The following FNDC3A variants were observed in gnomAD, a reference collection of about 807,000 sequenced individuals.
The protein encoded by FNDC3A is fibronectin type-III domain-containing protein 3A.
FNDC3A carries 32 observed loss-of-function variants against 148.9 expected under a neutral mutation model. The ratio of observed to expected loss-of-function variants is 0.21; its 90% CI spans 0.16 to 0.29. The LOEUF is 0.29. Ranked by LOEUF, FNDC3A falls within the 10% of genes least tolerant of loss-of-function variation. The pLI is 1.00. For synonymous variants in FNDC3A, 472 were observed against 473.6 expected (o/e 1.00, Z 0.04); for missense variants, 1,191 against 1,452.8 (o/e 0.82, Z 2.93).
chr13:49,167,114 T>C, intron 8 of FNDC3A, 130 bp from the exon 9 acceptor site: 1 of 519,610 alleles, frequency 1.9e-6, no homozygotes, highest in African/African-American at 2.0e-5. Context: ...ATTAGTGGAA[T>C]CTGAATACAG....
chr13:49,142,246 A>T (rs796954400), intron 7 of FNDC3A, among the ~76,000 whole-genome samples: 12 of 152,318 alleles, frequency 7.9e-5, no homozygotes, highest in African/African-American at 2.9e-4. Flanking sequence ...CCAAATTCTT[A>T]ATCTGCTTGT....
chr13:49,141,037 G>A (rs1235259759), intron 7 of FNDC3A, among the ~76,000 whole-genome samples: 1 of 152,150 alleles, frequency 6.6e-6, no homozygotes, highest in Non-Finnish European at 1.5e-5. Context: ...AAAAAGGAAA[G>A]CAGAGAAAAG....
At chr13:49,052,793 G>C (rs1397866916) in intron 2 of FNDC3A, among the ~76,000 whole-genome samples, 1 of 152,250 alleles carries the variant, frequency 6.6e-6, no homozygotes, top group Non-Finnish European at 1.5e-5. Context: ...GAGAGATTAC[G>C]ACCATTGTCT....
intron 2 of FNDC3A, among the ~76,000 whole-genome samples, chr13:49,042,982 G>T (rs1044171105): frequency 2.0e-5 from 3 of 151,982 alleles, no homozygotes; most frequent in Admixed American, 1.3e-4. Flanking sequence ...GAGAGCCAGG[G>T]TCTCATTCTG....
chr13:49,078,978 T>C (rs1490520382), intron 3 of FNDC3A, among the ~76,000 whole-genome samples: 7 of 152,224 alleles, frequency 4.6e-5, no homozygotes, highest in Non-Finnish European at 1.0e-4. Context: ...ATAAGAGCTG[T>C]GTAAATTAAT....
chr13:49,138,218 T>G (rs1403156563), intron 6 of FNDC3A, among the ~76,000 whole-genome samples: 2 of 152,162 alleles, frequency 1.3e-5, no homozygotes, highest in African/African-American at 2.4e-5. Flanking sequence ...TACATAAATG[T>G]TCTCCCATTT....
intron 19 of FNDC3A, among the ~76,000 whole-genome samples, chr13:49,194,866 T>C (rs1233175983): frequency 6.6e-6 from 1 of 152,136 alleles, no homozygotes; most frequent in African/African-American, 2.4e-5. Context: ...AAAGATTTTT[T>C]AAACTTATTA....
chr13:49,200,734 TA>T (rs1886383569), intron 23 of FNDC3A, among the ~76,000 whole-genome samples: 1 of 152,016 alleles, frequency 6.6e-6, no homozygotes, highest in Non-Finnish European at 1.5e-5. Flanking sequence ...TTGTGGAAAA[TA>T]AAGAAATTAA....
chr13:49,122,653 C>G (rs532416451), intron 4 of FNDC3A, among the ~76,000 whole-genome samples: 1 of 152,330 alleles, frequency 6.6e-6, no homozygotes, highest in Non-Finnish European at 1.5e-5. Context: ...AGCAAAGTCT[C>G]AGGATACAAA....
chr13:49,074,117 C>G (rs1877932287), intron 2 of FNDC3A, among the ~76,000 whole-genome samples: 1 of 152,028 alleles, frequency 6.6e-6, no homozygotes. Context: ...TTTTGGGGAA[C>G]AGGTGGTGTT....
chr13:49,152,764 C>T (rs917038310), intron 8 of FNDC3A, among the ~76,000 whole-genome samples: 51 of 149,770 alleles, frequency 3.4e-4, no homozygotes, highest in African/African-American at 9.8e-4. Flanking sequence ...TGAGAATATG[C>T]GGTGTTTGGT....
chr13:49,199,725 G>C (rs958342128), intron 23 of FNDC3A, among the ~76,000 whole-genome samples: 1 of 152,154 alleles, frequency 6.6e-6, no homozygotes, highest in African/African-American at 2.4e-5. Context: ...CCTGACACAG[G>C]GCCTGCACGC....
In FNDC3A at chr13:49,023,640, A is replaced by G. The variant is rs531567868; in HGVS notation, c.99+17351A>G. 2.6e-5 allele frequency among the ~76,000 whole-genome samples: 4 copies of G among 152,076 alleles called. No homozygotes were observed. In the South Asian group the frequency reaches 8.3e-4, roughly 31 times the overall value. On this transcript the variant is annotated intron_variant, in intron 2 of 25. Transcript: ENST00000492622. The stretch of plus-strand genomic sequence containing the variant: ...AAACTCTGATTCAGAGTGACTCAAA[A>G]GTTAGTCAACTCCTGTGCCCCAGAA...
At chr13:49,138,974 GT>G (rs1359156756) in intron 7 of FNDC3A, among the ~76,000 whole-genome samples, 169 bp downstream of exon 7, 1 of 152,062 alleles carries the variant, frequency 6.6e-6, no homozygotes, top group Non-Finnish European at 1.5e-5. Flanking sequence ...ATCTTTCTAT[GT>G]CATTACCTGA....
At chr13:49,124,061 A>G (rs532709306) in intron 4 of FNDC3A, among the ~76,000 whole-genome samples, 3 of 152,330 alleles carry the variant, frequency 2.0e-5, no homozygotes, top group East Asian at 1.9e-4. Flanking sequence ...TTGCAGCACT[A>G]TTCACAGTAG....
chr13:49,033,983 A>T (rs1874316227), intron 2 of FNDC3A, among the ~76,000 whole-genome samples: 1 of 152,022 alleles, frequency 6.6e-6, no homozygotes, highest in Admixed American at 6.6e-5. Flanking sequence ...AACTGTTAGG[A>T]AACTATTACT....
At chr13:49,088,721 T>A (rs927004072) in intron 3 of FNDC3A, among the ~76,000 whole-genome samples, 5 of 152,030 alleles carry the variant, frequency 3.3e-5, no homozygotes, top group African/African-American at 1.2e-4. Flanking sequence ...CTTCTCAGTC[T>A]TTTTTTCTTT....
chr13:49,072,250 T>C (rs1325900788), intron 2 of FNDC3A, among the ~76,000 whole-genome samples: 6 of 152,188 alleles, frequency 3.9e-5, no homozygotes, highest in Non-Finnish European at 8.8e-5. Context: ...ACCGGTTTTC[T>C]GAGCACTATT....
At chr13:49,168,926 C>T (rs138590054) in intron 10 of FNDC3A, among the ~76,000 whole-genome samples, 175 bp downstream of exon 10, 1,768 of 152,240 alleles carry the variant, frequency 0.012, 18 homozygotes, top group Non-Finnish European at 0.016. Flanking sequence ...ACTGGTTTTT[C>T]TTACTATATG....
Sources: gnomAD v4.1 joint callset for allele counts (sites outside exome capture counted in the v4.1 genomes callset) on GRCh38, gnomAD v4.1.1 for gene constraint, MANE v1.5 for transcripts, NCBI Gene and HGNC (gene_info 2026-07-23, HGNC 2026-07-21) for gene names.